Variants in CBR4 observed in about 807,000 individuals in gnomAD.
CBR4 encodes carbonyl reductase 4, also known as 3-oxoacyl-[acyl-carrier-protein] reductase.
CBR4 carries 22 observed loss-of-function variants against 21.0 expected under a neutral mutation model. The observed-to-expected ratio is 1.05, with a 90% CI of 0.75 to 1.50. The LOEUF (loss-of-function observed/expected upper bound fraction) is 1.50, where lower values mean the gene tolerates loss of function less well. Ranked by LOEUF, CBR4 falls within the 40% of genes most tolerant of loss-of-function variation. CBR4 has a pLI of 0.00. For synonymous variants in CBR4, 100 were observed against 104.4 expected, an observed-to-expected ratio of 0.96 and a Z score of 0.26; for missense variants, 302 against 286.3, an observed-to-expected ratio of 1.05 and a Z score of -0.40.
intron 2 of CBR4, chr4:168,926,528 C>T (rs984801380): frequency 3.6e-5 from 22 of 608,818 alleles, no homozygotes; most frequent in Non-Finnish European, 5.6e-5. Flanking sequence ...ATTTTTCTTA[C>T]TTGATATACC....
At chr4:168,927,253 G>T in intron 2 of CBR4, 1 of 231,152 alleles carries the variant, frequency 4.3e-6, no homozygotes, top group Non-Finnish European at 8.6e-6. Context: ...TGATTATAGT[G>T]TGTTCATTTA....
chr4:168,974,481 T>C (rs1355922386), intron 2 of CBR4, among the ~76,000 whole-genome samples: 2 of 152,232 alleles, frequency 1.3e-5, no homozygotes, highest in African/African-American at 4.8e-5. Flanking sequence ...AAGTTTTCCT[T>C]GATTGTTCCC....
intron 2 of CBR4, chr4:168,898,768 C>A: frequency 8.6e-7 from 1 of 1,161,058 alleles, no homozygotes; most frequent in Non-Finnish European, 1.3e-6. Flanking sequence ...AAAGGTTTAG[C>A]TTCCAAAACA....
chr4:168,957,303 C>T (rs866723033), intron 2 of CBR4, among the ~76,000 whole-genome samples: 3 of 151,950 alleles, frequency 2.0e-5, no homozygotes, highest in Non-Finnish European at 2.9e-5. Flanking sequence ...AGTAAAAAAT[C>T]GCTTTGACAA....
At chr4:168,991,680 C>T (rs1764931234) in intron 4 of CBR4, among the ~76,000 whole-genome samples, 1 of 152,232 alleles carries the variant, frequency 6.6e-6, no homozygotes, top group African/African-American at 2.4e-5. Flanking sequence ...GAAAATCTTA[C>T]AAGATTAATA....
intron 2 of CBR4, among the ~76,000 whole-genome samples, chr4:168,944,027 G>A (rs900560484): frequency 1.3e-5 from 2 of 152,108 alleles, no homozygotes; most frequent in African/African-American, 4.8e-5. Flanking sequence ...AGCAATCAAA[G>A]GCTAATAAAT....
At chr4:168,934,759 G>GA (rs888134450) in intron 2 of CBR4, among the ~76,000 whole-genome samples, 5 of 151,528 alleles carry the variant, frequency 3.3e-5, no homozygotes, top group Non-Finnish European at 4.4e-5. Context: ...AAAAAAGAAA[G>GA]AAAAAAAACT....
chr4:168,987,200 T>A (rs529718961), downstream of CBR4, among the ~76,000 whole-genome samples: 1 of 152,220 alleles, frequency 6.6e-6, no homozygotes, highest in African/African-American at 2.4e-5. Context: ...AAATAGTCGA[T>A]TCACTTTGCA....
intron 2 of CBR4, among the ~76,000 whole-genome samples, chr4:168,919,024 AAG>A (rs1186420180): frequency 9.9e-5 from 15 of 152,184 alleles, no homozygotes; most frequent in Admixed American, 2.6e-4. Flanking sequence ...TATAAAAAAT[AAG>A]AGAGTGACTA....
intron 2 of CBR4, chr4:168,904,213 T>C: frequency 3.1e-6 from 1 of 323,372 alleles, no homozygotes; most frequent in South Asian, 3.8e-5. Context: ...TGGTAAAAAA[T>C]AAGCAATTAA....
downstream of CBR4, among the ~76,000 whole-genome samples, chr4:168,985,206 T>C (rs1429228854): frequency 1.3e-5 from 2 of 151,482 alleles, no homozygotes; most frequent in African/African-American, 2.4e-5. Context: ...AAGCAAAAAA[T>C]GACAACATTA....
intron 2 of CBR4, among the ~76,000 whole-genome samples, chr4:168,979,945 G>A (rs904172974): frequency 6.6e-6 from 1 of 152,166 alleles, no homozygotes. Flanking sequence ...GAAGAGGCTA[G>A]TCTGTCTTCC....
intron 2 of CBR4, among the ~76,000 whole-genome samples, chr4:168,920,367 A>G (rs1548315): frequency 2.6e-5 from 4 of 152,102 alleles, no homozygotes; most frequent in Non-Finnish European, 5.9e-5. Flanking sequence ...CTTGCAGGTA[A>G]TATCAGTTGA....
At chr4:168,916,742 G>A (rs765227033) in intron 2 of CBR4, among the ~76,000 whole-genome samples, 2 of 148,058 alleles carry the variant, frequency 1.4e-5, no homozygotes, top group Admixed American at 6.7e-5. Context: ...GTGCAGTGGT[G>A]CAATCTCGGC....
At chr4:168,900,623 T>C (rs933500118) in intron 2 of CBR4, among the ~76,000 whole-genome samples, 4 of 152,216 alleles carry the variant, frequency 2.6e-5, no homozygotes, top group African/African-American at 9.6e-5. Context: ...TACCATCATG[T>C]TCTTTTCTTA....
chr4:168,897,472 G>T (rs112935285), intron 2 of CBR4, among the ~76,000 whole-genome samples: 1,857 of 152,112 alleles, frequency 0.012, 53 homozygotes, highest in African/African-American at 0.043. Flanking sequence ...TTGGAGACAG[G>T]GTCTCACTCT....
intron 2 of CBR4, among the ~76,000 whole-genome samples, chr4:168,925,977 G>T (rs921523046): frequency 5.4e-5 from 8 of 148,834 alleles, no homozygotes; most frequent in African/African-American, 2.0e-4. Context: ...AAAAAAAAAA[G>T]ATAAACTACA....
chr4:169,002,793 G>A (rs1309184032), intron 3 of CBR4, among the ~76,000 whole-genome samples: 1 of 149,192 alleles, frequency 6.7e-6, no homozygotes, highest in Non-Finnish European at 1.5e-5. Context: ...CTTGCAACAA[G>A]CAATTCTATT....
chr4:168,994,909 C>A (rs1765115663), intron 4 of CBR4, among the ~76,000 whole-genome samples: 1 of 152,034 alleles, frequency 6.6e-6, no homozygotes, highest in African/African-American at 2.4e-5. Flanking sequence ...CATGCATCAC[C>A]ACACCAGGCT....
Sources: gnomAD v4.1 joint callset for allele counts (sites outside exome capture counted in the v4.1 genomes callset) on GRCh38, gnomAD v4.1.1 for gene constraint, MANE v1.5 for transcripts, NCBI Gene and HGNC (gene_info 2026-07-23, HGNC 2026-07-21) for gene names.